BUB1B: variants seen among roughly 807,000 people sequenced by gnomAD.
BUB1B encodes the protein BUB1 mitotic checkpoint serine/threonine kinase B, also known as mitotic checkpoint serine/threonine-protein kinase BUB1 beta.
In BUB1B, 86 loss-of-function variants were observed where a neutral mutation model predicts 137.7. That is an observed-to-expected ratio of 0.62 (90% confidence interval 0.52 to 0.75). The LOEUF (loss-of-function observed/expected upper bound fraction) is 0.75, where lower values mean the gene tolerates loss of function less well. BUB1B is among the 30% of genes least tolerant of loss of function. BUB1B has a pLI of 0.00. For synonymous variants in BUB1B, 420 were observed against 417.9 expected (o/e 1.00, Z -0.06); for missense variants, 1,130 against 1,236.9 (o/e 0.91, Z 1.30).
chr15:40,216,571 A>ATAT (rs1457484634), intron 20 of BUB1B, among the ~76,000 whole-genome samples: 40 of 83,034 alleles, frequency 4.8e-4, no homozygotes, highest in African/African-American at 1.7e-3. Flanking sequence ...ATATATATAT[A>ATAT]TTTTTTTTTT....
chr15:40,165,173 C>T lies in BUB1B; in HGVS notation c.156C>T (p.Asn52=), dbSNP rs1214786359. ...CACTGGCACAAGAATCTGCCTGTAA[C>T]AATACTCTTCAGCAGCAGAAACGGT... is the stretch of plus-strand genomic sequence containing the variant. ...QGALAQESAC[N]NTLQQQKRAF... Residue 52 remains asparagine (N), a synonymous_variant, in exon 2 of 23, where the codon AAC becomes AAT. Transcript: ENST00000287598. The T allele has an allele frequency of 3.1e-6, 5 of 1,614,088 alleles. No homozygotes were observed. The highest frequency in any genetic ancestry group is 1.7e-5 in the Admixed American group (1 of 60,012).
intron 8 of BUB1B, among the ~76,000 whole-genome samples, chr15:40,186,216 T>C (rs1329297292): frequency 6.6e-6 from 1 of 152,156 alleles, no homozygotes; most frequent in Non-Finnish European, 1.5e-5. Context: ...AGGGAAAAGA[T>C]AATGTGATTT....
chr15:40,209,575 C>G, intron 16 of BUB1B, 60 bp from the exon 17 acceptor site: 1 of 1,596,948 alleles, frequency 6.3e-7, no homozygotes, highest in Non-Finnish European at 8.6e-7. Context: ...GTTATAATAT[C>G]CATTTTAAGC....
At chr15:40,218,160 A>G (rs1358527044) in intron 21 of BUB1B, among the ~76,000 whole-genome samples, 2 of 152,206 alleles carry the variant, frequency 1.3e-5, no homozygotes, top group African/African-American at 4.8e-5. Context: ...AATCATGTGG[A>G]CCCCATTTAG....
chr15:40,202,628 A>T lies in BUB1B; in HGVS notation c.1668A>T (p.Arg556Ser), dbSNP rs1173638724. ...CCCCACGAGTTTTAGCTCAACGAAGACCCCTTGCAGTTCTCAAAACCTCAG... is the reference window on the plus strand; with the variant it reads ...CCCCACGAGTTTTAGCTCAACGAAGTCCCCTTGCAGTTCTCAAAACCTCAG... Reference protein sequence around the residue: ...ADPPRVLAQRRPLAVLKTSES... With the variant: ...ADPPRVLAQRSPLAVLKTSES... Residue 556 changes from arginine (R) to serine (S), a missense_variant, in exon 14 of 23, where the codon AGA becomes AGT. Arg to Ser is a moderately radical substitution (Grantham distance 110, BLOSUM62 -1). Transcript: ENST00000287598. The T allele has an allele frequency of 1.2e-6, 2 of 1,614,094 alleles. No homozygotes were observed. The highest frequency in any genetic ancestry group is 1.7e-6 in the Non-Finnish European group (2 of 1,180,016).
At chr15:40,171,048 G>C (rs573083689) in intron 4 of BUB1B, among the ~76,000 whole-genome samples, 1 of 152,102 alleles carries the variant, frequency 6.6e-6, no homozygotes, top group South Asian at 2.1e-4. Flanking sequence ...CAATCCTCTC[G>C]CCTCAGCCTC....
intron 2 of BUB1B, among the ~76,000 whole-genome samples, chr15:40,167,191 A>T (rs1388301865): frequency 6.4e-5 from 9 of 141,566 alleles, no homozygotes; most frequent in Admixed American, 1.4e-4. Flanking sequence ...TTTTTTTTTT[A>T]AACTGCTTAG....
At chr15:40,170,296 A>G (rs2140881610) in intron 3 of BUB1B, 175 bp downstream of exon 3, 1 of 782,882 alleles carries the variant, frequency 1.3e-6, no homozygotes, top group South Asian at 1.8e-5. Flanking sequence ...GATTCAAGAA[A>G]TTTCAAGTTT....
At chr15:40,181,731 A>G (rs965634792) in intron 5 of BUB1B, among the ~76,000 whole-genome samples, 8 of 151,934 alleles carry the variant, frequency 5.3e-5, no homozygotes, top group African/African-American at 1.9e-4. Context: ...TTCCATCTCC[A>G]TCCTGCTATT....
intron 2 of BUB1B, among the ~76,000 whole-genome samples, chr15:40,167,276 G>A (rs1348855755): frequency 6.9e-6 from 1 of 145,574 alleles, no homozygotes; most frequent in Non-Finnish European, 1.5e-5. Context: ...CTCTTCAGGA[G>A]ACTTTTGCCT....
At chr15:40,178,864 A>G (rs2037251220) in intron 5 of BUB1B, among the ~76,000 whole-genome samples, 1 of 151,896 alleles carries the variant, frequency 6.6e-6, no homozygotes. Flanking sequence ...TTTTGTTTGC[A>G]TGATACATCT....
At chr15:40,188,943 G>C (rs2037403939) in intron 8 of BUB1B, among the ~76,000 whole-genome samples, 1 of 151,418 alleles carries the variant, frequency 6.6e-6, no homozygotes, top group Non-Finnish European at 1.5e-5. Flanking sequence ...GTGGCTTTTA[G>C]TATGTTCACA....
At chr15:40,208,901 C>G in intron 16 of BUB1B, 131 bp downstream of exon 16, 1 of 924,702 alleles carries the variant, frequency 1.1e-6, no homozygotes, top group Non-Finnish European at 1.7e-6. Context: ...GTGGCACAAT[C>G]AAACTCACTG....
chr15:40,166,802 GTGT>G (rs1451816715), intron 2 of BUB1B, among the ~76,000 whole-genome samples: 3 of 152,166 alleles, frequency 2.0e-5, no homozygotes, highest in African/African-American at 7.2e-5. Flanking sequence ...CCAGTATTTG[GTGT>G]TGTCGATCTT....
chr15:40,213,870 G>A (rs902665253), intron 20 of BUB1B, among the ~76,000 whole-genome samples: 3 of 152,104 alleles, frequency 2.0e-5, no homozygotes, highest in African/African-American at 7.2e-5. Flanking sequence ...TTTGATAAAT[G>A]CCATATCGAG....
At chr15:40,200,117 G>A in intron 10 of BUB1B, 127 bp from the exon 11 acceptor site, 2 of 738,432 alleles carry the variant, frequency 2.7e-6, no homozygotes, top group Non-Finnish European at 4.8e-6. Context: ...AATGACTTTT[G>A]TGGTACACTC....
intron 5 of BUB1B, among the ~76,000 whole-genome samples, chr15:40,178,106 T>C (rs2037243338): frequency 6.6e-6 from 1 of 151,864 alleles, no homozygotes; most frequent in Non-Finnish European, 1.5e-5. Context: ...TTCTTCCCGC[T>C]TGCTTTGGAT....
At chr15:40,212,009 A>G (rs1238679788) in intron 18 of BUB1B, among the ~76,000 whole-genome samples, 1 of 152,212 alleles carries the variant, frequency 6.6e-6, no homozygotes, top group Non-Finnish European at 1.5e-5. Context: ...TATTTTTAGC[A>G]GAGACGGGGT....
intron 20 of BUB1B, 109 bp from the exon 21 acceptor site, chr15:40,217,387 G>A: frequency 8.6e-7 from 1 of 1,163,134 alleles, no homozygotes. Flanking sequence ...GGAGGGAGTT[G>A]TTGGCATAGC....
Sources: allele counts gnomAD v4.1 joint callset (sites outside exome capture counted in the v4.1 genomes callset), GRCh38; gene constraint gnomAD v4.1.1; transcripts MANE v1.5; gene names NCBI Gene and HGNC (gene_info 2026-07-23, HGNC 2026-07-21).